Variants in FBXO27 observed in about 807,000 individuals in gnomAD.
The protein encoded by FBXO27 is F-box protein 27, also known as F-box only protein 27.
FBXO27 carries 28 observed loss-of-function variants against 28.3 expected under a neutral mutation model. The observed-to-expected ratio is 0.99, with a 90% CI of 0.73 to 1.36. FBXO27 has a LOEUF of 1.36. Among genes scored for constraint, FBXO27 ranks in the 40% most tolerant of loss-of-function variants. The pLI, the probability that FBXO27 is intolerant of heterozygous loss-of-function variation, is 0.00. For synonymous variants in FBXO27, 175 were observed against 167.3 expected (o/e 1.05, Z -0.36); for missense variants, 388 against 394.1 (o/e 0.98, Z 0.13).
At chr19:39,008,030 T>A (rs1056940099) in intron 2 of FBXO27, among the ~76,000 whole-genome samples, 1 of 152,036 alleles carries the variant, frequency 6.6e-6, no homozygotes, top group Non-Finnish European at 1.5e-5. Flanking sequence ...TTGGGAGGCT[T>A]AGGTGAGCGG....
In FBXO27 at chr19:39,024,124, T is replaced by C. The variant is rs1445821842; in HGVS notation, c.*1287A>G. On this transcript the variant is annotated 3_prime_UTR_variant, in exon 6 of 6. Coordinates refer to ENST00000292853, the MANE Select transcript of FBXO27 (RefSeq NM_178820.5). Reference sequence around the variant, plus strand: ...AAGTCAAAATAAAAATAATGTTATTTTAATTTTAAATACCACACAATTACA... The same window carrying C: ...AAGTCAAAATAAAAATAATGTTATTCTAATTTTAAATACCACACAATTACA... 2 of 152,222 alleles carry C rather than the reference T, an allele frequency of 1.3e-5. No homozygotes were observed. The highest frequency in any genetic ancestry group is 6.6e-5 in the Admixed American group (1 of 15,266). The allele number at this position is 152,222 out of a possible 1,614,324, so 9.4% of individuals were successfully genotyped here.
chr19:39,023,723 C>A (rs1185632452), downstream of FBXO27, among the ~76,000 whole-genome samples: 1 of 152,136 alleles, frequency 6.6e-6, no homozygotes, highest in African/African-American at 2.4e-5. Flanking sequence ...AAACGATTCT[C>A]CTACCTCAGC....
chr19:39,021,188 T>A (rs1480740723), downstream of FBXO27, among the ~76,000 whole-genome samples: 1 of 152,180 alleles, frequency 6.6e-6, no homozygotes, highest in Admixed American at 6.6e-5. Flanking sequence ...TTTCACAACA[T>A]GGACCCCTCT....
At chr19:39,018,852 T>G (rs951633666) in intron 1 of FBXO27, among the ~76,000 whole-genome samples, 2 of 149,078 alleles carry the variant, frequency 1.3e-5, no homozygotes, top group African/African-American at 4.9e-5. Flanking sequence ...GTGGATCACT[T>G]GAGGCCAGGA....
At chr19:39,019,826 A>C (rs1271485566), downstream of FBXO27, among the ~76,000 whole-genome samples, 3 of 152,058 alleles carry the variant, frequency 2.0e-5, no homozygotes, top group Admixed American at 1.3e-4. Flanking sequence ...ATCTCAGCTC[A>C]CTGCAACCTC....
At chr19:39,010,153 T>C (rs2072788137) in intron 2 of FBXO27, among the ~76,000 whole-genome samples, 2 of 151,492 alleles carry the variant, frequency 1.3e-5, no homozygotes, top group African/African-American at 4.9e-5. Flanking sequence ...CTTTTTTTTT[T>C]CCTATTGTTG....
chr19:39,031,375 T>C lies in FBXO27; in HGVS notation c.365-55A>G, dbSNP rs757543825. 1,050 of 1,543,022 alleles carry C rather than the reference T, an allele frequency of 6.8e-4. 1 individual carries two copies. The highest frequency in any genetic ancestry group is 8.0e-4 in the Non-Finnish European group (900 of 1,120,706). ...TTCCAGTCGCCCGCCTGTTGGTTCC[T>C]AGTGAGACCCCGCCCCTAGCCCCTC... is the stretch of plus-strand genomic sequence containing the variant. On this transcript the variant is annotated intron_variant, in intron 2 of 5. Coordinates refer to ENST00000292853, the MANE Select transcript of FBXO27 (RefSeq NM_178820.5).
chr19:39,029,042 TAAAA>T (rs1249127334), intron 4 of FBXO27, among the ~76,000 whole-genome samples: 7 of 91,926 alleles, frequency 7.6e-5, no homozygotes, highest in African/African-American at 4.3e-5. Context: ...ACTCTGTCTC[TAAAA>T]AAAAAAAAAA....
chr19:39,006,994 G>T (rs976096694), intron 2 of FBXO27, among the ~76,000 whole-genome samples: 74 of 137,620 alleles, frequency 5.4e-4, no homozygotes, highest in African/African-American at 1.8e-3. Flanking sequence ...GATCACTTGA[G>T]GCCAGGAATT....
chr19:39,026,721 C>T, intron 5 of FBXO27, 149 bp downstream of exon 5: 1 of 1,183,080 alleles, frequency 8.5e-7, no homozygotes, highest in Non-Finnish European at 1.2e-6. Context: ...ATCCGCCTGC[C>T]TTGGCCTCCC....
chr19:39,029,432 A>G (rs1382191954), intron 4 of FBXO27, among the ~76,000 whole-genome samples: 1 of 151,090 alleles, frequency 6.6e-6, no homozygotes, highest in African/African-American at 2.4e-5. Context: ...GTCTCAAAAA[A>G]AAAAAAAAAA....
chr19:39,008,120 C>T (rs965391555), intron 2 of FBXO27, among the ~76,000 whole-genome samples: 1 of 152,030 alleles, frequency 6.6e-6, no homozygotes, highest in Non-Finnish European at 1.5e-5. Context: ...GAAAAATTAG[C>T]CAGGCATGGT....
chr19:39,011,280 A>C (rs1008488355), intron 2 of FBXO27, among the ~76,000 whole-genome samples: 1 of 151,986 alleles, frequency 6.6e-6, no homozygotes, highest in African/African-American at 2.4e-5. Flanking sequence ...AAAATACAAA[A>C]CATTAGCCGG....
downstream of FBXO27, among the ~76,000 whole-genome samples, chr19:39,023,365 G>A (rs1356528511): frequency 1.3e-5 from 2 of 152,124 alleles, no homozygotes; most frequent in Non-Finnish European, 2.9e-5. Flanking sequence ...TGAGCTGGCC[G>A]GCAATAGATT....
chr19:39,015,858 G>C lies in FBXO27; in HGVS notation c.92-1311C>G, dbSNP rs543020833. Among the ~76,000 whole-genome samples, 39 of 152,150 alleles carry C rather than the reference G, an allele frequency of 2.6e-4. No individual in the cohort carries two copies. In the East Asian group the frequency reaches 7.4e-3, roughly 29 times the overall value. On this transcript the variant is annotated intron_variant, in intron 1 of 2. Coordinates refer to the FBXO27 transcript ENST00000598394. The stretch of plus-strand genomic sequence containing the variant: ...GGCTCAGGCGGGTAGATCGTTTGAG[G>C]TGAGGAGTTCAAGACCAGCCTGGCT...
chr19:39,027,464 G>A (rs1337710935), intron 4 of FBXO27, among the ~76,000 whole-genome samples: 1 of 152,130 alleles, frequency 6.6e-6, no homozygotes, highest in Non-Finnish European at 1.5e-5. Context: ...ACACATCAGT[G>A]CCAGCACGGT....
chr19:39,022,067 T>C (rs991491102), downstream of FBXO27, among the ~76,000 whole-genome samples: 4 of 151,836 alleles, frequency 2.6e-5, no homozygotes, highest in Admixed American at 6.6e-5. Context: ...GGATTCAACA[T>C]GGTACTTGGC....
chr19:39,019,388 G>A (rs1257610340), downstream of FBXO27, among the ~76,000 whole-genome samples: 1 of 118,072 alleles, frequency 8.5e-6, no homozygotes, highest in Non-Finnish European at 1.6e-5. Context: ...TCGTGCCATT[G>A]CACTCCAGCC....
intron 2 of FBXO27, among the ~76,000 whole-genome samples, chr19:39,007,714 C>G (rs180954524): frequency 1.3e-5 from 2 of 152,276 alleles, no homozygotes; most frequent in East Asian, 3.9e-4. Context: ...GCGATCTCAG[C>G]TCACTGCAAC....
Sources: gnomAD v4.1 joint callset for allele counts (sites outside exome capture counted in the v4.1 genomes callset) on GRCh38, gnomAD v4.1.1 for gene constraint, MANE v1.5 for transcripts, NCBI Gene and HGNC (gene_info 2026-07-23, HGNC 2026-07-21) for gene names.